CDC42SE2: variants seen among roughly 807,000 people sequenced by gnomAD.
CDC42SE2 encodes the protein CDC42 small effector protein 2.
Under a neutral mutation model 11.5 loss-of-function variants are expected in CDC42SE2, and 3 were observed. That is an observed-to-expected ratio of 0.26 (90% CI 0.12 to 0.67). The LOEUF is 0.67. Ranked by LOEUF, CDC42SE2 falls within the 30% of genes least tolerant of loss-of-function variation. The probability of loss-of-function intolerance (pLI) is 0.80; values close to 1 mark genes in which losing one functional copy is unlikely to be tolerated. For synonymous variants in CDC42SE2, 33 were observed against 34.8 expected (o/e 0.95, Z 0.18); for missense variants, 82 against 106.8 (o/e 0.77, Z 1.02).
chr5:131,359,569 A>G (rs376654083), intron 3 of CDC42SE2, 22 bp downstream of exon 3: 12 of 1,583,506 alleles, frequency 7.6e-6, no homozygotes, highest in South Asian at 5.5e-5. Context: ...GTATGTGGAC[A>G]CATCAGGTGG....
chr5:131,375,793 CTTTCATTTGTCCCTTAACAT>C (rs1750134424), intron 3 of CDC42SE2, among the ~76,000 whole-genome samples: 2 of 152,204 alleles, frequency 1.3e-5, no homozygotes, highest in African/African-American at 4.8e-5. Flanking sequence ...CCTTGTTTCT[CTTTCATTTGTCCCTTAACAT>C]ATTAGAGATT....
rs146927538 is a variant in CDC42SE2, at chr5:131,340,133, G to A, written c.-285-19076G>A. On this transcript the variant is annotated intron_variant, in intron 2 of 4. Transcript: ENST00000505065. ...GAATTCTATACTTCGCTAAACTGTCGTGCAAGAATAAAGGAAAAAATACAG... is the reference window on the plus strand; with the variant it reads ...GAATTCTATACTTCGCTAAACTGTCATGCAAGAATAAAGGAAAAAATACAG... Among the ~76,000 whole-genome samples the A allele has an allele frequency of 4.1e-3, 631 of 152,274 alleles. 4 individuals are homozygous for A. Among genetic ancestry groups the A allele is most frequent in the African/African-American group, 0.013 (546 of 41,556 alleles).
intron 2 of CDC42SE2, among the ~76,000 whole-genome samples, chr5:131,351,394 ACAGG>A: frequency 6.6e-6 from 1 of 152,142 alleles, no homozygotes; most frequent in Admixed American, 6.5e-5. Flanking sequence ...AGCTGGGACT[ACAGG>A]TGCCTGCCAC....
chr5:131,310,253 G>A (rs1195377107), intron 1 of CDC42SE2, among the ~76,000 whole-genome samples: 7 of 151,668 alleles, frequency 4.6e-5, no homozygotes, highest in East Asian at 1.9e-4. Context: ...GTAGTTGAGC[G>A]GTTTTGAGTG....
At chr5:131,361,702 T>G (rs1265843775) in intron 3 of CDC42SE2, among the ~76,000 whole-genome samples, 3 of 152,038 alleles carry the variant, frequency 2.0e-5, no homozygotes, top group East Asian at 1.9e-4. Context: ...GTGCAAAGTT[T>G]TATTGAGTGG....
chr5:131,227,232 C>T, the CDC42SE2 span, among the ~76,000 whole-genome samples: 1 of 152,050 alleles, frequency 6.6e-6, no homozygotes, highest in Admixed American at 6.6e-5. Flanking sequence ...CCAATGCACT[C>T]CAGCAGCCTG....
At chr5:131,300,454 A>G (rs2149715510) in intron 1 of CDC42SE2, among the ~76,000 whole-genome samples, 1 of 152,330 alleles carries the variant, frequency 6.6e-6, no homozygotes, top group Non-Finnish European at 1.5e-5. Context: ...TTTATCATCG[A>G]AACTGGAACA....
the CDC42SE2 span, among the ~76,000 whole-genome samples, chr5:131,214,885 G>T: frequency 2.2e-4 from 34 of 152,290 alleles, no homozygotes; most frequent in African/African-American, 7.9e-4. Flanking sequence ...GGAAATAAAT[G>T]CCTGTTTCTG....
chr5:131,245,274 C>T (rs1268972010), upstream of CDC42SE2, among the ~76,000 whole-genome samples: 1 of 152,066 alleles, frequency 6.6e-6, no homozygotes, highest in Non-Finnish European at 1.5e-5. Flanking sequence ...CTGTGCTGTG[C>T]CTACTGTTCT....
chr5:131,232,866 A>C, the CDC42SE2 span, among the ~76,000 whole-genome samples: 1 of 150,860 alleles, frequency 6.6e-6, no homozygotes, highest in Non-Finnish European at 1.5e-5. Context: ...ATCATCTTCC[A>C]TATTATTGTT....
chr5:131,242,503 C>CT (rs34046665), upstream of CDC42SE2, among the ~76,000 whole-genome samples: 7 of 152,024 alleles, frequency 4.6e-5, no homozygotes, highest in Admixed American at 4.6e-4. Flanking sequence ...TTTATGACTC[C>CT]TTTTTTTCAT....
chr5:131,362,432 A>G (rs1379526953), intron 3 of CDC42SE2, among the ~76,000 whole-genome samples: 1 of 152,208 alleles, frequency 6.6e-6, no homozygotes, highest in African/African-American at 2.4e-5. Flanking sequence ...GTTTCTTTAC[A>G]TTATACAAAG....
chr5:131,314,758 A>G lies in CDC42SE2; in HGVS notation c.-454-1218A>G, dbSNP rs1264292078. ...GTGTAAGTTTATAAAATTAATATCA[A>G]TGTCTTGCCAGGAATGAGATTAAGC... On this transcript the variant is annotated intron_variant, in intron 1 of 4. Coordinates refer to ENST00000505065, the MANE Select transcript of CDC42SE2 (RefSeq NM_001375635.1). Among the ~76,000 whole-genome samples the G allele has an allele frequency of 3.9e-5, 6 of 152,156 alleles. No individual in the cohort carries two copies. The East Asian group carries it at 7.7e-4, about 20-fold the overall frequency.
chr5:131,340,556 C>T (rs1454685287), intron 2 of CDC42SE2, among the ~76,000 whole-genome samples: 2 of 152,138 alleles, frequency 1.3e-5, no homozygotes, highest in Non-Finnish European at 2.9e-5. Flanking sequence ...GTATTAGTAA[C>T]TCGGCTGTAA....
intron 1 of CDC42SE2, among the ~76,000 whole-genome samples, chr5:131,307,665 T>C (rs1377302093): frequency 2.6e-5 from 4 of 152,176 alleles, no homozygotes. Context: ...ATGGTTGAAC[T>C]AGTTTACAGT....
At chr5:131,243,007 G>A (rs1756552879), upstream of CDC42SE2, among the ~76,000 whole-genome samples, 1 of 152,180 alleles carries the variant, frequency 6.6e-6, no homozygotes, top group African/African-American at 2.4e-5. Context: ...GAACTGTTGA[G>A]AACTTCCTGG....
chr5:131,372,954 AT>A, intron 3 of CDC42SE2, among the ~76,000 whole-genome samples: 1 of 152,238 alleles, frequency 6.6e-6, no homozygotes, highest in East Asian at 1.9e-4. Flanking sequence ...ATAAATTGCA[AT>A]TTGCTCTCAT....
At chr5:131,229,083 A>T in the CDC42SE2 span, among the ~76,000 whole-genome samples, 1 of 152,320 alleles carries the variant, frequency 6.6e-6, no homozygotes, top group African/African-American at 2.4e-5. Flanking sequence ...GTGTGGAGCA[A>T]AATCAACTCA....
In CDC42SE2 at chr5:131,394,449, G is replaced by T. The variant is rs1203470492; in HGVS notation, c.*3358G>T. 6.6e-6 allele frequency: 1 copy of T among 152,322 alleles called. No individual in the cohort carries two copies. Among genetic ancestry groups the T allele is most frequent in the Non-Finnish European group, 1.5e-5 (1 of 68,018 alleles). The allele number at this position is 152,322 out of a possible 1,614,324, so 9.4% of individuals were successfully genotyped here. A position where few individuals can be genotyped will look rare whatever the true frequency, so the allele number is the denominator to read the frequency against. ...TAAGTACATTAGCTTTCACTTTGTT[G>T]TTAAATTATAGCAGACTCATTATAG... On this transcript the variant is annotated 3_prime_UTR_variant, in exon 5 of 5. Transcript: ENST00000505065.
Sources: gnomAD v4.1 joint callset for allele counts (sites outside exome capture counted in the v4.1 genomes callset) on GRCh38, gnomAD v4.1.1 for gene constraint, MANE v1.5 for transcripts, NCBI Gene and HGNC (gene_info 2026-07-23, HGNC 2026-07-21) for gene names.